The following MICU2 variants were observed in gnomAD, a reference collection of about 807,000 sequenced individuals.
The protein encoded by MICU2 is mitochondrial calcium uptake 2, also known as calcium uptake protein 2, mitochondrial.
Under a neutral mutation model 60.4 loss-of-function variants are expected in MICU2, and 64 were observed. The observed-to-expected ratio is 1.06, with a 90% CI of 0.87 to 1.31. The LOEUF is 1.31. Ranked by LOEUF, MICU2 falls within the 50% of genes most tolerant of loss-of-function variation. The pLI is 0.00. For missense variants in MICU2, 569 were observed against 531.0 expected, an observed-to-expected ratio of 1.07 and a Z score of -0.70; for synonymous variants, 201 against 175.0, an observed-to-expected ratio of 1.15 and a Z score of -1.17.
At chr13:21,504,036 C>G (rs1886239332) in intron 8 of MICU2, among the ~76,000 whole-genome samples, 1 of 152,088 alleles carries the variant, frequency 6.6e-6, no homozygotes, top group Admixed American at 6.5e-5. Flanking sequence ...GGAGTTTGAT[C>G]TTAGACTTCT....
chr13:21,515,104 C>CA (rs1886536167), intron 6 of MICU2, among the ~76,000 whole-genome samples: 1 of 102,698 alleles, frequency 9.7e-6, no homozygotes, highest in African/African-American at 6.0e-5. Flanking sequence ...TTTTTTGAGA[C>CA]GGAGTCTCGC....
chr13:21,527,956 G>A (rs1421757944), intron 4 of MICU2, among the ~76,000 whole-genome samples: 10 of 152,120 alleles, frequency 6.6e-5, no homozygotes, highest in Admixed American at 6.5e-4. Context: ...TCTAAAATAT[G>A]ACCGCTGTTA....
At chr13:21,533,458 G>A (rs1887054934) in intron 4 of MICU2, among the ~76,000 whole-genome samples, 1 of 151,732 alleles carries the variant, frequency 6.6e-6, no homozygotes. Flanking sequence ...CGAGTAGCTG[G>A]GAATACAGGT....
At chr13:21,501,452 C>T (rs894566521) in intron 9 of MICU2, among the ~76,000 whole-genome samples, 4 of 151,950 alleles carry the variant, frequency 2.6e-5, no homozygotes, top group Non-Finnish European at 4.4e-5. Context: ...TTAGTAGAGA[C>T]GTGGTTTCAC....
chr13:21,502,841 T>C, intron 9 of MICU2, 85 bp downstream of exon 9: 1 of 1,288,310 alleles, frequency 7.8e-7, no homozygotes, highest in African/African-American at 1.5e-5. Flanking sequence ...AGCACAGTCT[T>C]GGTTAATTCA....
intron 4 of MICU2, among the ~76,000 whole-genome samples, chr13:21,537,572 C>A (rs932166300): frequency 1.3e-5 from 2 of 151,438 alleles, no homozygotes; most frequent in South Asian, 2.1e-4. Context: ...CAGGTTCAAG[C>A]GATTCTACTG....
intron 7 of MICU2, among the ~76,000 whole-genome samples, chr13:21,513,289 G>A (rs1593319435): frequency 6.6e-6 from 1 of 152,208 alleles, no homozygotes; most frequent in East Asian, 1.9e-4. Flanking sequence ...TTGAACAAGA[G>A]TAGCAAGAAT....
chr13:21,535,468 GCT>G (rs1887109046), intron 4 of MICU2, among the ~76,000 whole-genome samples: 1 of 152,136 alleles, frequency 6.6e-6, no homozygotes, highest in South Asian at 2.1e-4. Flanking sequence ...CAAAGCCATA[GCT>G]CTGATCTAAA....
At chr13:21,562,865 T>C (rs927083847) in intron 2 of MICU2, among the ~76,000 whole-genome samples, 10 of 152,244 alleles carry the variant, frequency 6.6e-5, no homozygotes, top group African/African-American at 2.2e-4. Context: ...GCCAAGTTCC[T>C]GATATATCGT....
Position 21,496,100 on chromosome 13 carries a change from C to T in MICU2, c.994G>A (p.Ala332Thr), listed in dbSNP as rs1885990091. 1 of 1,614,096 alleles carries T rather than the reference C, an allele frequency of 6.2e-7. No individual in the cohort carries two copies. ...CHFTTHLEDF[A>T]IAMQMFSLAH... ...AAACTGAACATCTGCATGGCAATAG[C>T]AAAGTCTTCCAAGTGGGTTGTAAAA... is the stretch of plus-strand genomic sequence containing the variant. The change falls in exon 10 of 12, where the codon GCT (alanine) becomes ACT (threonine). Residue 332 changes from alanine (A) to threonine (T), a missense_variant. Physicochemically the swap from Ala to Thr is moderately conservative, Grantham distance 58. Coordinates refer to ENST00000382374, the MANE Select transcript of MICU2 (RefSeq NM_152726.3).
At chr13:21,570,083 C>T (rs1888073727) in intron 1 of MICU2, among the ~76,000 whole-genome samples, 1 of 152,170 alleles carries the variant, frequency 6.6e-6, no homozygotes, top group Non-Finnish European at 1.5e-5. Context: ...CCTTTAGTCC[C>T]TGGGCTAACT....
chr13:21,514,762 G>A (rs943587463), intron 6 of MICU2, among the ~76,000 whole-genome samples: 5 of 150,670 alleles, frequency 3.3e-5, no homozygotes, highest in East Asian at 3.9e-4. Flanking sequence ...GGATGGTCTC[G>A]ATCTCCTGAC....
intron 2 of MICU2, among the ~76,000 whole-genome samples, chr13:21,548,645 A>G (rs1218598834): frequency 6.6e-6 from 1 of 152,216 alleles, no homozygotes; most frequent in Non-Finnish European, 1.5e-5. Flanking sequence ...AAGCTGTGGA[A>G]AGAGGACTGT....
intron 2 of MICU2, among the ~76,000 whole-genome samples, chr13:21,556,475 A>G (rs1313534581): frequency 6.6e-6 from 1 of 152,194 alleles, no homozygotes; most frequent in African/African-American, 2.4e-5. Flanking sequence ...CAAGTATTTT[A>G]GCCTTAAATA....
At position 21,600,132 on chromosome 13, in the gene MICU2, A is replaced by C. The variant is rs141180817; in HGVS notation, c.210+3807T>G. On this transcript the variant is annotated intron_variant, in intron 1 of 11. Coordinates refer to ENST00000382374, the MANE Select transcript of MICU2 (RefSeq NM_152726.3). ...GACATATGGGGGTCCATGAGGGTTA[A>C]GAAATCCTGCAATGGCTTCCTGCTG... 2.8e-4 allele frequency among the ~76,000 whole-genome samples: 43 copies of C among 152,308 alleles called. No homozygotes were observed. The South Asian group carries it at 3.3e-3, about 12-fold the overall frequency.
At chr13:21,548,466 T>C (rs939538353) in intron 2 of MICU2, among the ~76,000 whole-genome samples, 3 of 152,240 alleles carry the variant, frequency 2.0e-5, no homozygotes, top group African/African-American at 7.2e-5. Flanking sequence ...TCTTTTAAAA[T>C]TTTAGACCTT....
chr13:21,552,426 G>C (rs370579742), intron 2 of MICU2, among the ~76,000 whole-genome samples: 1 of 151,972 alleles, frequency 6.6e-6, no homozygotes. Context: ...AGAAGCTCTT[G>C]AGTTTAATTA....
At chr13:21,588,524 C>T (rs924619125) in intron 1 of MICU2, among the ~76,000 whole-genome samples, 10 of 152,348 alleles carry the variant, frequency 6.6e-5, no homozygotes, top group African/African-American at 2.2e-4. Context: ...AAGTTCACTT[C>T]GTGTCTCTCA....
chr13:21,553,169 A>G (rs1887616928), intron 2 of MICU2, among the ~76,000 whole-genome samples: 1 of 152,074 alleles, frequency 6.6e-6, no homozygotes, highest in Admixed American at 6.6e-5. Flanking sequence ...TTGGATTCCT[A>G]GGTATTTTAT....
Sources: gnomAD v4.1 joint callset for allele counts (sites outside exome capture counted in the v4.1 genomes callset) on GRCh38, gnomAD v4.1.1 for gene constraint, MANE v1.5 for transcripts, NCBI Gene and HGNC (gene_info 2026-07-23, HGNC 2026-07-21) for gene names.